Variants in VARS1 observed in about 807,000 individuals in gnomAD.
VARS1 encodes the protein valine--tRNA ligase.
VARS1 carries 92 observed loss-of-function variants against 161.0 expected under a neutral mutation model. The ratio of observed to expected loss-of-function variants is 0.57; its 90% CI spans 0.48 to 0.68. The LOEUF (loss-of-function observed/expected upper bound fraction) is 0.68, where lower values mean the gene tolerates loss of function less well. Among genes scored for constraint, VARS1 ranks in the 30% least tolerant of loss-of-function variants. The pLI is 0.00. For missense variants in VARS1, 1,338 were observed against 1,695.9 expected (o/e 0.79, Z 3.71); for synonymous variants, 595 against 682.5 (o/e 0.87, Z 2.00).
At chr6:31,789,199 C>T (rs1024211092) in intron 8 of VARS1, among the ~76,000 whole-genome samples, 1 of 151,386 alleles carries the variant, frequency 6.6e-6, no homozygotes, top group Middle Eastern at 3.2e-3. Context: ...ACAACAAAAA[C>T]ATTTACAATA....
chr6:31,780,582 G>A lies in VARS1; in HGVS notation c.2798-14C>T. The stretch of plus-strand genomic sequence containing the variant: ...TGATGTCACGACCTGGGTCGGGGGT[G>A]AGATGTGAGTCCTCATCACCCTCTT... On this transcript the variant is annotated splice_polypyrimidine_tract_variant and intron_variant, in intron 24 of 29. Transcript: ENST00000375663. The surrounding 1 kb of genome is among the most constrained non-coding windows in gnomAD (Gnocchi z 5.1). The A allele has an allele frequency of 6.2e-7, 1 of 1,613,032 alleles. No homozygotes were observed. The highest frequency in any genetic ancestry group is 2.2e-5 in the East Asian group (1 of 44,870).
chr6:31,784,159 G>A lies in VARS1; in HGVS notation c.1671+55C>T. 1.2e-6 allele frequency: 2 copies of A among 1,604,420 alleles called. No homozygotes were observed. Among genetic ancestry groups the A allele is most frequent in the South Asian group, 1.1e-5 (1 of 90,438 alleles). On this transcript the variant is annotated intron_variant, in intron 13 of 29. Coordinates refer to ENST00000375663, the MANE Select transcript of VARS1 (RefSeq NM_006295.3). The surrounding 1 kb of genome is among the most constrained non-coding windows in gnomAD (Gnocchi z 6.1). ...TAAGTCCAACCCCTCCACCCCATAA[G>A]GATGGGAGCCCTTTTTGGCCAGAAC...
chr6:31,778,792 C>CCA lies in VARS1; in HGVS notation c.3726+173_3726+174dup, dbSNP rs1297735499. 4.1e-5 allele frequency: 36 copies of CCA among 872,784 alleles called. No homozygotes were observed. The African/African-American group carries it at 5.8e-4, about 14-fold the overall frequency. The allele number at this position is 872,784 out of a possible 1,614,324, so 54.1% of individuals were successfully genotyped here. On this transcript the variant is annotated intron_variant, in intron 29 of 29. Coordinates refer to ENST00000375663, the MANE Select transcript of VARS1 (RefSeq NM_006295.3). The surrounding 1 kb of genome is among the most constrained non-coding windows in gnomAD (Gnocchi z 5.1). Reference sequence around the variant, plus strand: ...AAATTTCTGGGATTACAGGTGTGAGCCACTGAGCCAGGCTGTTTTGTTTTT... The same window carrying CCA: ...AAATTTCTGGGATTACAGGTGTGAGCCACACTGAGCCAGGCTGTTTTGTTTTT...
At chr6:31,789,621 A>G (rs1423773021) in intron 8 of VARS1, among the ~76,000 whole-genome samples, 4 of 152,204 alleles carry the variant, frequency 2.6e-5, no homozygotes, top group Non-Finnish European at 5.9e-5. Flanking sequence ...TAGCTACACC[A>G]GCGAAACCCT....
chr6:31,793,176 CACA>C, intron 2 of VARS1, 56 bp from the exon 3 acceptor site: 1 of 1,539,420 alleles, frequency 6.5e-7, no homozygotes, highest in Non-Finnish European at 8.7e-7. Flanking sequence ...CATCTCCCAC[CACA>C]ACCCAATCCA....
At position 31,793,519 on chromosome 6, in the gene VARS1, C is replaced by A. The variant is rs962536496; in HGVS notation, c.388-399G>T. ...AGACTCCGTCTCAGAAAAAAAAAAA[C>A]AAAACACTTCTGACTCATCCAACAA... On this transcript the variant is annotated intron_variant, in intron 2 of 29. Coordinates refer to ENST00000375663, the MANE Select transcript of VARS1 (RefSeq NM_006295.3). Among the ~76,000 whole-genome samples the A allele has an allele frequency of 2.9e-4, 44 of 150,596 alleles. 1 individual carries two copies. The highest frequency in any genetic ancestry group is 6.8e-4 in the African/African-American group (28 of 41,034).
Position 31,777,964 on chromosome 6 carries a change from C to T in VARS1, c.3727-302G>A, listed in dbSNP as rs915910588. ...AGCAGGAGAGCACAGTCTCCCAGGC[C>T]GGTCACTTCATTTGTCAGATGATGA... On this transcript the variant is annotated intron_variant, in intron 29 of 29. Transcript: ENST00000375663. This position sits in a 1 kb window ranked among gnomAD's most constrained non-coding sequence, Gnocchi z 5.8. 2.0e-5 allele frequency: 10 copies of T among 504,034 alleles called. No individual in the cohort carries two copies. The highest frequency in any genetic ancestry group is 1.0e-4 in the Admixed American group (3 of 29,604). 31.2% of individuals were successfully genotyped at this position (504,034 alleles called of 1,614,324 possible). A position where few individuals can be genotyped will look rare whatever the true frequency, so the allele number is the denominator to read the frequency against.
In VARS1 at chr6:31,791,535, C is replaced by G. The variant is rs557803331; in HGVS notation, c.1100+75G>C. 12 of 1,527,004 alleles carry G rather than the reference C, an allele frequency of 7.9e-6. No individual in the cohort carries two copies. The highest frequency in any genetic ancestry group is 1.4e-5 in the African/African-American group (1 of 72,428). The allele number at this position is 1,527,004 out of a possible 1,614,324, so 94.6% of individuals were successfully genotyped here. On this transcript the variant is annotated intron_variant, in intron 8 of 29. Transcript: ENST00000375663. The surrounding 1 kb of genome is among the most constrained non-coding windows in gnomAD (Gnocchi z 5.0). Reference sequence around the variant, plus strand: ...GCACCAACCCAGAAGGAGAGAGGCTCGGGGGGCTGTCAGGGAAAAGGAGAG... The same window carrying G: ...GCACCAACCCAGAAGGAGAGAGGCTGGGGGGGCTGTCAGGGAAAAGGAGAG...
chr6:31,780,485 G>C lies in VARS1; in HGVS notation c.2881C>G (p.Leu961Val). ...NKLWNATKFA[L>V]RGLGKGFVPS... ...ACAAAACCCTTCCCAAGGCCACGAA[G>C]GGCAAACTTGGTGGCATTCCAGAGC... The change falls in exon 25 of 30, where the codon CTT (leucine) becomes GTT (valine). Residue 961 changes from leucine (L) to valine (V), a missense_variant. Around this residue, in one of 3 missense-constraint regions of VARS1, gnomAD observed 433 missense variants for 586.2 expected, o/e 0.74. Transcript: ENST00000375663. The surrounding 1 kb of genome is among the most constrained non-coding windows in gnomAD (Gnocchi z 5.1). 1 of 1,614,072 alleles carries C rather than the reference G, an allele frequency of 6.2e-7. No individual in the cohort carries two copies.
chr6:31,782,755 C>G lies in VARS1; in HGVS notation c.1853G>C (p.Arg618Pro), dbSNP rs147295435. 1.2e-6 allele frequency: 2 copies of G among 1,613,020 alleles called. No homozygotes were observed. Among genetic ancestry groups the G allele is most frequent in the South Asian group, 1.1e-5 (1 of 91,076 alleles). The change falls in exon 15 of 30, where the codon CGG becomes CCG. Residue 618 changes from arginine to proline, a missense_variant. This residue lies in a region of VARS1 where 902 missense variants were observed against 1,090.3 expected (regional missense o/e 0.83). Coordinates refer to ENST00000375663, the MANE Select transcript of VARS1 (RefSeq NM_006295.3). The surrounding 1 kb of genome is among the most constrained non-coding windows in gnomAD (Gnocchi z 8.3). ...GLEAISIMDS[R>P]GALINVPPPF... ...CGGAGGCACATTGATGAGGGCCCCC[C>G]GGGAGTCCATGATGCTGATGGCCTC...
At position 31,779,369 on chromosome 6, in the gene VARS1, C is replaced by CCAG; in HGVS notation, c.3400+53_3400+55dup. The CCAG allele has an allele frequency of 1.2e-6, 2 of 1,604,218 alleles. No homozygotes were observed. Among genetic ancestry groups the CCAG allele is most frequent in the Non-Finnish European group, 1.7e-6 (2 of 1,178,820 alleles). ...AGCAGTCACTGCCGGACACTGGGTC[C>CCAG]CAGAGTAGGCTGAGGGGACAGTGGG... On this transcript the variant is annotated intron_variant, in intron 28 of 29. Coordinates refer to ENST00000375663, the MANE Select transcript of VARS1 (RefSeq NM_006295.3). This position sits in a 1 kb window ranked among gnomAD's most constrained non-coding sequence, Gnocchi z 9.1.
chr6:31,794,736 T>C (rs1814142900), intron 2 of VARS1, 95 bp downstream of exon 2: 4 of 1,440,726 alleles, frequency 2.8e-6, no homozygotes, highest in African/African-American at 2.8e-5. Flanking sequence ...TTTTCCCACA[T>C]CTGATGTACT....
chr6:31,787,419 C>A (rs995236632), intron 8 of VARS1, among the ~76,000 whole-genome samples: 21 of 151,474 alleles, frequency 1.4e-4, no homozygotes, highest in Non-Finnish European at 2.7e-4. Context: ...CCGAGGCAGG[C>A]GGCTTACTTC....
Position 31,792,744 on chromosome 6 carries a change from C to G in VARS1, c.661+13G>C. The G allele has an allele frequency of 6.2e-7, 1 of 1,613,988 alleles. No homozygotes were observed. The highest frequency in any genetic ancestry group is 8.5e-7 in the Non-Finnish European group (1 of 1,179,890). On this transcript the variant is annotated intron_variant, in intron 4 of 29. Transcript: ENST00000375663. ...GGGAAGCCCCTATCCTCCAACTCCT[C>G]GCCCTTCCTCACCTGGCTGATGAGA...
intron 8 of VARS1, among the ~76,000 whole-genome samples, chr6:31,790,757 A>T (rs1307762308): frequency 6.6e-6 from 1 of 152,084 alleles, no homozygotes; most frequent in East Asian, 1.9e-4. Flanking sequence ...ATTAAGTGTA[A>T]GAAGAAAGCT....
In VARS1 at chr6:31,780,315, C is replaced by G; in HGVS notation, c.2925+126G>C. 1 of 1,518,634 alleles carries G rather than the reference C, an allele frequency of 6.6e-7. No homozygotes were observed. Among genetic ancestry groups the G allele is most frequent in the Non-Finnish European group, 8.8e-7 (1 of 1,130,520 alleles). 94.1% of individuals were successfully genotyped at this position (1,518,634 alleles called of 1,614,324 possible). A position where few individuals can be genotyped will look rare whatever the true frequency, so the allele number is the denominator to read the frequency against. On this transcript the variant is annotated intron_variant, in intron 25 of 29. Coordinates refer to ENST00000375663, the MANE Select transcript of VARS1 (RefSeq NM_006295.3). This position sits in a 1 kb window ranked among gnomAD's most constrained non-coding sequence, Gnocchi z 5.1. ...AAGTGACAGGCCCCAGCCCCCAATG[C>G]GCTGGGCTTTCCCTTTAACTGTCTG...
rs537198910 is a variant in VARS1 at position 31,784,777 on chromosome 6, C to T, written c.1348-63G>A. 115 of 1,606,428 alleles carry T rather than the reference C, an allele frequency of 7.2e-5. No homozygotes were observed. The highest frequency in any genetic ancestry group is 9.7e-5 in the Non-Finnish European group (114 of 1,176,802). ...TGTGCCTGGAGGCCCAGGCAGACAC[C>T]CAGGGCTCCAGTGAGGCCTTGCCCA... On this transcript the variant is annotated intron_variant, in intron 10 of 29. Coordinates refer to ENST00000375663, the MANE Select transcript of VARS1 (RefSeq NM_006295.3). The surrounding 1 kb of genome is among the most constrained non-coding windows in gnomAD (Gnocchi z 6.1).
chr6:31,778,981 C>T lies in VARS1; in HGVS notation c.3712G>A (p.Ala1238Thr). 1 of 1,613,078 alleles carries T rather than the reference C, an allele frequency of 6.2e-7. No individual in the cohort carries two copies. Among genetic ancestry groups the T allele is most frequent in the Non-Finnish European group, 8.5e-7 (1 of 1,180,038 alleles). ...AGGCCACACACCTTGGCTTCATCTGCCTCCTGGACTTCGAGCGGCACCTTG... is the reference window on the plus strand; with the variant it reads ...AGGCCACACACCTTGGCTTCATCTGTCTCCTGGACTTCGAGCGGCACCTTG... ...PVKVPLEVQE[A>T]DEAKLQQTEA... Residue 1238 changes from alanine (A) to threonine (T), a missense_variant, in exon 29 of 30, where the codon GCA (alanine) becomes ACA (threonine). By Grantham distance (58) the Ala-to-Thr change is moderately conservative. Transcript: ENST00000375663. The surrounding 1 kb of genome is among the most constrained non-coding windows in gnomAD (Gnocchi z 5.1).
chr6:31,785,406 G>A lies in VARS1; in HGVS notation c.1266-79C>T, dbSNP rs1813431402. 3 of 1,582,330 alleles carry A rather than the reference G, an allele frequency of 1.9e-6. No individual in the cohort carries two copies. The highest frequency in any genetic ancestry group is 1.7e-5 in the Admixed American group (1 of 57,708). ...CAGGTGGCTGACTGGGCAGTGTGGA[G>A]ATCACCCATCCCCCTGAAATTTACC... On this transcript the variant is annotated intron_variant, in intron 9 of 29. Transcript: ENST00000375663. The surrounding 1 kb of genome is among the most constrained non-coding windows in gnomAD (Gnocchi z 6.1).
Sources: allele counts gnomAD v4.1 joint callset (sites outside exome capture counted in the v4.1 genomes callset), GRCh38; gene constraint gnomAD v4.1.1; regional missense constraint gnomAD v4.1.1; non-coding constraint Gnocchi (gnomAD v3.1); transcripts MANE v1.5; gene names NCBI Gene and HGNC (gene_info 2026-07-23, HGNC 2026-07-21).